The following CFH variants were observed in gnomAD, a reference collection of about 807,000 sequenced individuals.
The protein encoded by CFH is H factor 1 (complement).
CFH carries 53 observed loss-of-function variants against 147.3 expected under a neutral mutation model. That is an observed-to-expected ratio of 0.36 (90% CI 0.29 to 0.45). The LOEUF (loss-of-function observed/expected upper bound fraction) is 0.45, where lower values mean the gene tolerates loss of function less well. CFH is among the 20% of genes least tolerant of loss of function. CFH has a pLI of 1.00. For synonymous variants in CFH, 536 were observed against 489.4 expected (o/e 1.10, Z -1.26); for missense variants, 1,380 against 1,498.0 (o/e 0.92, Z 1.30).
intron 9 of CFH, among the ~76,000 whole-genome samples, chr1:196,691,205 A>G (rs1395688381): frequency 6.6e-6 from 1 of 152,088 alleles, no homozygotes; most frequent in East Asian, 1.9e-4. Flanking sequence ...TAATTATACA[A>G]TTATAGTTTA....
chr1:196,728,211 C>G, intron 14 of CFH, 135 bp from the exon 15 acceptor site: 1 of 627,942 alleles, frequency 1.6e-6, no homozygotes, highest in Non-Finnish European at 2.5e-6. Flanking sequence ...TCAGGAATAA[C>G]TTGGTTGGTG....
At chr1:196,700,930 T>A in intron 9 of CFH, 1 of 898,948 alleles carries the variant, frequency 1.1e-6, no homozygotes, top group Non-Finnish European at 1.3e-6. Context: ...GGCACCCCAT[T>A]TCCTTCTGTG....
At chr1:196,692,803 TTTCTTTCTTTCTTTCTTTCTCTTTCC>T (rs1668103796) in intron 9 of CFH, among the ~76,000 whole-genome samples, 3 of 75,746 alleles carry the variant, frequency 4.0e-5, no homozygotes, top group South Asian at 4.4e-4. Flanking sequence ...TCTTTCTTTC[TTTCTTTCTTTCTTTCTTTCTCTTTCC>T]TTCTTTCTTT....
chr1:196,716,181 T>A (rs1668866977), intron 11 of CFH, among the ~76,000 whole-genome samples: 1 of 152,168 alleles, frequency 6.6e-6, no homozygotes, highest in Non-Finnish European at 1.5e-5. Context: ...ATTTTCTAAA[T>A]TTGAAAAGTT....
At chr1:196,745,021 A>G (rs972794095) in intron 20 of CFH, among the ~76,000 whole-genome samples, 7 of 152,298 alleles carry the variant, frequency 4.6e-5, no homozygotes, top group Admixed American at 1.3e-4. Context: ...ATGGTTATAG[A>G]TGAAAAACTC....
intron 17 of CFH, among the ~76,000 whole-genome samples, chr1:196,739,798 A>G (rs370494992): frequency 3.3e-5 from 5 of 152,194 alleles, no homozygotes; most frequent in East Asian, 3.8e-4. Flanking sequence ...TTATCTTTAC[A>G]GCAGCACCCT....
intron 10 of CFH, 112 bp downstream of exon 10, chr1:196,714,029 A>G: frequency 2.1e-6 from 2 of 960,234 alleles, no homozygotes; most frequent in Non-Finnish European, 3.2e-6. Context: ...TAAGAAAAAA[A>G]AACCTGCAGG....
Position 196,707,149 on chromosome 1 carries a change from A to G in CFH, c.1337-6586A>G, listed in dbSNP as rs570631551. Among the ~76,000 whole-genome samples the G allele has an allele frequency of 2.0e-5, 3 of 152,188 alleles. No individual in the cohort carries two copies. The South Asian group carries it at 6.2e-4, about 32-fold the overall frequency. ...GTCTACTGAAAAAACTCAAAAGATAAATCATACTATATAAAACAAAACAAA... is the reference window on the plus strand; with the variant it reads ...GTCTACTGAAAAAACTCAAAAGATAGATCATACTATATAAAACAAAACAAA... On this transcript the variant is annotated intron_variant, in intron 9 of 21. Transcript: ENST00000367429.
intron 10 of CFH, among the ~76,000 whole-genome samples, chr1:196,714,652 TATATATATATATATATAGAGAGAG>T (rs1354045598): frequency 2.0e-5 from 1 of 48,978 alleles, no homozygotes; most frequent in Non-Finnish European, 4.0e-5. Flanking sequence ...TATATATATA[TATATATATATATATATAGAGAGAG>T]AGAGAGAGAG....
At chr1:196,699,155 T>C (rs561117403) in intron 9 of CFH, among the ~76,000 whole-genome samples, 3 of 152,270 alleles carry the variant, frequency 2.0e-5, no homozygotes, top group African/African-American at 7.2e-5. Context: ...TGAGCGATCA[T>C]ACATTGTACC....
chr1:196,716,153 TTC>T (rs1271127866), intron 11 of CFH, among the ~76,000 whole-genome samples: 2 of 152,152 alleles, frequency 1.3e-5, no homozygotes, highest in African/African-American at 2.4e-5. Flanking sequence ...TTTCTGTACT[TTC>T]TGAGTGTAGT....
At chr1:196,692,121 T>C (rs1045559485) in intron 9 of CFH, among the ~76,000 whole-genome samples, 5 of 152,036 alleles carry the variant, frequency 3.3e-5, no homozygotes, top group Non-Finnish European at 1.5e-5. Context: ...TAACCCTCTA[T>C]TGAATTTTAT....
At chr1:196,698,681 T>C (rs1317614020) in intron 9 of CFH, among the ~76,000 whole-genome samples, 1 of 152,184 alleles carries the variant, frequency 6.6e-6, no homozygotes, top group Admixed American at 6.5e-5. Flanking sequence ...TTGGAAACTA[T>C]TTCAAACAAT....
chr1:196,681,187 C>A lies in CFH; in HGVS notation c.790+1394C>A, dbSNP rs1333891239. Among the ~76,000 whole-genome samples the A allele has an allele frequency of 2.6e-5, 4 of 151,790 alleles. No homozygotes were observed. In the South Asian group the frequency reaches 8.3e-4, roughly 32 times the overall value. The stretch of plus-strand genomic sequence containing the variant: ...ATAAACCACTTATTTTACATCAGGA[C>A]CTTGCTGTGTATTGAAGATAAACAT... On this transcript the variant is annotated intron_variant, in intron 6 of 21. Transcript: ENST00000367429.
chr1:196,677,593 A>G lies in CFH; in HGVS notation c.545A>G (p.Tyr182Cys). 3 of 1,613,410 alleles carry G rather than the reference A, an allele frequency of 1.9e-6. No homozygotes were observed. The highest frequency in any genetic ancestry group is 2.2e-5 in the South Asian group (2 of 91,072). The change falls in exon 5 of 22, where the codon TAC (tyrosine) becomes TGC (cysteine). Residue 182 changes from tyrosine (Y) to cysteine (C), a missense_variant. Transcript: ENST00000367429. ...GTACGGTTTGTATGTAACTCAGGCT[A>G]CAAGATTGAAGGAGATGAAGAAATG... The part of the protein sequence containing the change: ...QAVRFVCNSG[Y>C]KIEGDEEMHC...
At chr1:196,681,908 A>G (rs1200161099) in intron 6 of CFH, among the ~76,000 whole-genome samples, 1 of 151,816 alleles carries the variant, frequency 6.6e-6, no homozygotes, top group African/African-American at 2.4e-5. Context: ...CAAAATCTAT[A>G]CACATCATTT....
intron 9 of CFH, among the ~76,000 whole-genome samples, chr1:196,712,956 T>A (rs1668760014): frequency 6.6e-6 from 1 of 152,032 alleles, no homozygotes; most frequent in Non-Finnish European, 1.5e-5. Flanking sequence ...TCCTCATTTT[T>A]TATGGCTGCA....
chr1:196,736,144 T>C (rs1200997297), intron 15 of CFH, among the ~76,000 whole-genome samples: 1 of 152,092 alleles, frequency 6.6e-6, no homozygotes, highest in Non-Finnish European at 1.5e-5. Flanking sequence ...TACAAAGGTG[T>C]CTTTATATGT....
chr1:196,724,009 C>T (rs980676815), intron 11 of CFH, among the ~76,000 whole-genome samples: 1 of 152,112 alleles, frequency 6.6e-6, no homozygotes, highest in African/African-American at 2.4e-5. Context: ...ATACTCCTCC[C>T]TTGCAGAGCC....
Sources: allele counts gnomAD v4.1 joint callset (sites outside exome capture counted in the v4.1 genomes callset), GRCh38; gene constraint gnomAD v4.1.1; transcripts MANE v1.5; gene names NCBI Gene and HGNC (gene_info 2026-07-23, HGNC 2026-07-21).